Variants in BRCA1 observed in about 807,000 individuals in gnomAD.
The protein encoded by BRCA1 is breast cancer type 1 susceptibility protein.
In BRCA1, 140 loss-of-function variants were observed where a neutral mutation model predicts 173.7. That is an observed-to-expected ratio of 0.81 (90% CI 0.70 to 0.93). The LOEUF is 0.93. Ranked by LOEUF, BRCA1 falls within the 40% of genes least tolerant of loss-of-function variation. BRCA1 has a pLI of 0.00. For missense variants in BRCA1, 1,983 were observed against 2,172.5 expected, an observed-to-expected ratio of 0.91 and a Z score of 1.73; for synonymous variants, 662 against 756.0, an observed-to-expected ratio of 0.88 and a Z score of 2.04.
chr17:43,157,735 G>T (rs34120358), intron 1 of BRCA1, among the ~76,000 whole-genome samples: 45,090 of 151,290 alleles, frequency 0.3, 7,164 homozygotes, highest in South Asian at 0.49. Flanking sequence ...AGTGGCTCAC[G>T]CCTGTAATCC....
At chr17:43,105,649 CA>C (rs1274409193) in intron 4 of BRCA1, among the ~76,000 whole-genome samples, 1 of 152,142 alleles carries the variant, frequency 6.6e-6, no homozygotes, top group African/African-American at 2.4e-5. Flanking sequence ...ACATAGATAA[CA>C]ATGTCCAAAG....
At chr17:43,046,726 G>C (rs1212876624) in intron 22 of BRCA1, among the ~76,000 whole-genome samples, 1 of 145,844 alleles carries the variant, frequency 6.9e-6, no homozygotes, top group African/African-American at 2.5e-5. Context: ...CTGCACTCCA[G>C]CCTGCTAAGT....
intron 1 of BRCA1, among the ~76,000 whole-genome samples, chr17:43,139,544 T>TG (rs1463301151): frequency 4.6e-5 from 7 of 152,216 alleles, no homozygotes; most frequent in African/African-American, 1.7e-4. Flanking sequence ...TTAGTAGAGA[T>TG]GGGGTTTCAC....
intron 17 of BRCA1, 82 bp from the exon 18 acceptor site, chr17:43,063,455 CA>C (rs2051883524): frequency 8.8e-7 from 1 of 1,132,586 alleles, no homozygotes; most frequent in South Asian, 1.3e-5. Flanking sequence ...CAGCGATTCA[CA>C]AAAGAGCACA....
At chr17:43,046,264 C>G (rs550940657) in intron 22 of BRCA1, among the ~76,000 whole-genome samples, 8 of 123,664 alleles carry the variant, frequency 6.5e-5, no homozygotes, top group African/African-American at 2.2e-4. Flanking sequence ...GAGTCTTGCT[C>G]TTGTTGCTCA....
intron 2 of BRCA1, among the ~76,000 whole-genome samples, chr17:43,123,779 T>C (rs2055700130): frequency 7.2e-5 from 11 of 152,218 alleles, no homozygotes; most frequent in Admixed American, 7.2e-4. Context: ...AGTCCCTGTC[T>C]TTCCCGGACC....
chr17:43,132,131 T>C (rs964544984), intron 1 of BRCA1, among the ~76,000 whole-genome samples: 1 of 152,158 alleles, frequency 6.6e-6, no homozygotes, highest in Non-Finnish European at 1.5e-5. Flanking sequence ...TTTGCCCCAA[T>C]TTACAGATGA....
At chr17:43,101,915 T>G (rs2054492793) in intron 6 of BRCA1, among the ~76,000 whole-genome samples, 1 of 152,058 alleles carries the variant, frequency 6.6e-6, no homozygotes, top group African/African-American at 2.4e-5. Flanking sequence ...TAATTTTCCC[T>G]TTTTTTAAAA....
intron 12 of BRCA1, among the ~76,000 whole-genome samples, chr17:43,080,245 T>C (rs8176191): frequency 3.9e-5 from 6 of 152,270 alleles, no homozygotes; most frequent in Non-Finnish European, 8.8e-5. Flanking sequence ...TACAGGGTAT[T>C]GTGAAGAATT....
At chr17:43,102,853 C>G (rs1024758005) in intron 6 of BRCA1, among the ~76,000 whole-genome samples, 1 of 152,000 alleles carries the variant, frequency 6.6e-6, no homozygotes, top group Non-Finnish European at 1.5e-5. Flanking sequence ...CAAGGACTTG[C>G]TATGTTGCCC....
chr17:43,126,472 A>C (rs1291786571), upstream of BRCA1, among the ~76,000 whole-genome samples: 1 of 152,144 alleles, frequency 6.6e-6, no homozygotes, highest in Non-Finnish European at 1.5e-5. Context: ...AGCCTGGGTT[A>C]GCTAGGGGTG....
At chr17:43,091,096 T>A (rs2053452775) in intron 10 of BRCA1, 64 bp from the exon 11 acceptor site, 2 of 1,413,398 alleles carry the variant, frequency 1.4e-6, no homozygotes, top group Non-Finnish European at 9.8e-7. Context: ...ACTTGCTGTG[T>A]CTTTTTCTTC....
rs80357364 is a variant in BRCA1 at position 43,093,144 on chromosome 17, G to A, written c.2387C>T (p.Thr796Ile). Reference sequence around the variant, plus strand: ...CTGACTCACACATTTATTTGGTTCTGTTTTTGCCTTCCCTAGAGTGCTAAC... The same window carrying A: ...CTGACTCACACATTTATTTGGTTCTATTTTTGCCTTCCCTAGAGTGCTAAC... ...LEVSTLGKAK[T>I]EPNKCVSQCA... The change falls in exon 10 of 23, where the codon ACA (threonine) becomes ATA (isoleucine). Residue 796 changes from threonine to isoleucine, a missense_variant. Transcript: ENST00000357654. 16 of 1,613,508 alleles carry A rather than the reference G, an allele frequency of 9.9e-6. No homozygotes were observed. In the East Asian group the frequency reaches 3.6e-4, roughly 36 times the overall value.
chr17:43,150,129 A>G (rs2056151473), intron 1 of BRCA1, among the ~76,000 whole-genome samples: 1 of 151,916 alleles, frequency 6.6e-6, no homozygotes, highest in Admixed American at 6.6e-5. Flanking sequence ...TATTTATTTG[A>G]GACCGGGTCT....
intron 7 of BRCA1, 151 bp downstream of exon 7, chr17:43,099,624 A>G: frequency 1.6e-6 from 1 of 644,394 alleles, no homozygotes; most frequent in Non-Finnish European, 2.7e-6. Context: ...TGCGTCTTTT[A>G]CATTTTTTAT....
At chr17:43,144,870 G>T in intron 1 of BRCA1, 1 of 519,070 alleles carries the variant, frequency 1.9e-6, no homozygotes, top group Non-Finnish European at 3.7e-6. Flanking sequence ...GGGAGGAGTG[G>T]CAGCGGCCAG....
rs748410422 is a variant in BRCA1, at chr17:43,092,531, C to T, written c.3000G>A (p.Glu1000=). The T allele has an allele frequency of 1.2e-6, 2 of 1,613,888 alleles. No homozygotes were observed. The highest frequency in any genetic ancestry group is 1.7e-6 in the Non-Finnish European group (2 of 1,179,866). Residue 1000 remains glutamate (E), a synonymous_variant, in exon 10 of 23, where the codon GAG becomes GAA. Transcript: ENST00000357654. ...ACATTGAATGTTCCTCAAAGTTTTCCTCTAGCAGATTTTTCTTACATTTAG... is the reference window on the plus strand; with the variant it reads ...ACATTGAATGTTCCTCAAAGTTTTCTTCTAGCAGATTTTTCTTACATTTAG... ...VKTKCKKNLL[E]ENFEEHSMSP...
At chr17:43,101,727 C>G (rs2154543878) in intron 6 of BRCA1, among the ~76,000 whole-genome samples, 1 of 152,150 alleles carries the variant, frequency 6.6e-6, no homozygotes, top group Middle Eastern at 3.4e-3. Flanking sequence ...GTCTCAAACT[C>G]CTGACCTCAA....
chr17:43,067,108 G>A (rs948427796), intron 16 of BRCA1, among the ~76,000 whole-genome samples: 9 of 151,954 alleles, frequency 5.9e-5, no homozygotes, highest in African/African-American at 2.2e-4. Context: ...GTGAGCCACC[G>A]TGCCTGGCCC....
Sources: allele counts gnomAD v4.1 joint callset (sites outside exome capture counted in the v4.1 genomes callset), GRCh38; gene constraint gnomAD v4.1.1; transcripts MANE v1.5; gene names NCBI Gene and HGNC (gene_info 2026-07-23, HGNC 2026-07-21).